The following E2F2 variants were observed in gnomAD, a reference collection of about 807,000 sequenced individuals.
E2F2 encodes transcription factor E2F2.
A neutral mutation model predicts 42.2 loss-of-function variants in E2F2; 22 were observed. That is an observed-to-expected ratio of 0.52 (90% CI 0.37 to 0.74). The LOEUF is 0.74. E2F2 is among the 30% of genes least tolerant of loss of function. The pLI is 0.00. For synonymous variants in E2F2, 248 were observed against 251.6 expected, an observed-to-expected ratio of 0.99 and a Z score of 0.13; for missense variants, 481 against 557.8, an observed-to-expected ratio of 0.86 and a Z score of 1.39.
At chr1:23,511,799 T>G (rs1642914294) in intron 6 of E2F2, among the ~76,000 whole-genome samples, 1 of 152,258 alleles carries the variant, frequency 6.6e-6, no homozygotes, top group Admixed American at 6.5e-5. Flanking sequence ...AGTCTTGCTC[T>G]GGACTTCACG....
In E2F2 at chr1:23,524,481, CT is replaced by C. The variant is rs749646705; in HGVS notation, c.259del (p.Arg87GlyfsTer59). ...CLPAGRLPAK[R>X]KLDLEGIGRP... ...CCCAATCCCCTCCAGATCCAGCTTC[CT>C]TTTGGCCTTGGAGAAAAGGGGGAGA... On this transcript the variant is annotated frameshift_variant, in exon 2 of 7. Transcript: ENST00000361729. LOFTEE classifies it high-confidence loss of function. 2 of 1,613,500 alleles carry C rather than the reference CT, an allele frequency of 1.2e-6. No homozygotes were observed. The highest frequency in any genetic ancestry group is 2.2e-5 in the South Asian group (2 of 90,958).
At chr1:23,527,615 G>A (rs1421280827) in intron 1 of E2F2, among the ~76,000 whole-genome samples, 1 of 152,226 alleles carries the variant, frequency 6.6e-6, no homozygotes, top group African/African-American at 2.4e-5. Context: ...GCAGAGTGGA[G>A]CCTGGTCTCT....
rs765424043 is a variant in E2F2 at position 23,509,976 on chromosome 1, G to A, written c.1218C>T (p.Ser406=). 2 of 1,613,274 alleles carry A rather than the reference G, an allele frequency of 1.2e-6. No homozygotes were observed. Among genetic ancestry groups the A allele is most frequent in the Admixed American group, 3.3e-5 (2 of 59,932 alleles). ...CCCACAGGTAGTCGTCCTGGTCCAA[G>A]GATGGGGAGAAGCTGATCAGAGGGG... The part of the protein sequence containing the change: ...CSSPLISFSP[S]LDQDDYLWGL... The change falls in exon 7 of 7, where the codon TCC becomes TCT. Residue 406 remains serine, a synonymous_variant. Transcript: ENST00000361729.
Position 23,530,731 on chromosome 1 carries a change from C to T in E2F2, c.63G>A (p.Ala21=), listed in dbSNP as rs542929009. 4.4e-6 allele frequency: 7 copies of T among 1,600,640 alleles called. No homozygotes were observed. In the South Asian group the frequency reaches 7.8e-5, roughly 18 times the overall value. The part of the protein sequence containing the change: ...AAGQTPKVVP[A]MSPTELWPSG... ...ATGGCCACAGCTCTGTGGGGCTCAT[C>T]GCGGGCACCACCTTCGGGGTCTGCC... Residue 21 remains alanine, a synonymous_variant, in exon 1 of 7, where the codon GCG becomes GCA. Coordinates refer to ENST00000361729, the MANE Select transcript of E2F2 (RefSeq NM_004091.4). The surrounding 1 kb of genome is among the most constrained non-coding windows in gnomAD (Gnocchi z 4.4).
At position 23,521,071 on chromosome 1, in the gene E2F2, T is replaced by C. The variant is rs1558248894; in HGVS notation, c.579A>G (p.Val193=). The C allele has an allele frequency of 6.2e-7, 1 of 1,608,938 alleles. No homozygotes were observed. The highest frequency in any genetic ancestry group is 8.5e-7 in the Non-Finnish European group (1 of 1,177,764). Residue 193 remains valine, a splice_region_variant and synonymous_variant, in exon 4 of 7, where the codon GTA becomes GTG. Transcript: ENST00000361729. ...RKKAKNNIQW[V]GRGMFEDPTR... ...TGGGGTCTTCAAACATTCCCCTGCC[T>C]CTGGGAACAGAGCAGCCCCCCAGTG...
intron 6 of E2F2, among the ~76,000 whole-genome samples, chr1:23,515,100 C>T (rs1277161418): frequency 6.6e-6 from 1 of 152,222 alleles, no homozygotes; most frequent in Admixed American, 6.5e-5. Context: ...CTACCTCTAC[C>T]TTGGTCTAAA....
chr1:23,512,907 G>A (rs1402230889), intron 6 of E2F2, among the ~76,000 whole-genome samples: 1 of 151,458 alleles, frequency 6.6e-6, no homozygotes, highest in Admixed American at 6.6e-5. Context: ...CTGCTTTCCT[G>A]GTTCAAGTGA....
chr1:23,524,327 C>A, intron 2 of E2F2, 56 bp downstream of exon 2: 1 of 1,338,058 alleles, frequency 7.5e-7, no homozygotes, highest in South Asian at 1.3e-5. Flanking sequence ...TTGGGCAGGG[C>A]ACTGCCCTCT....
At chr1:23,505,338 T>C (rs1642777194), downstream of E2F2, among the ~76,000 whole-genome samples, 1 of 152,198 alleles carries the variant, frequency 6.6e-6, no homozygotes, top group South Asian at 2.1e-4. Flanking sequence ...GAAAGATCTT[T>C]CTGGGGATCG....
Position 23,524,388 on chromosome 1 carries a change from G to C in E2F2, c.353C>G (p.Pro118Arg), listed in dbSNP as rs749394365. 1.2e-6 allele frequency: 2 copies of C among 1,609,596 alleles called. No homozygotes were observed. Among genetic ancestry groups the C allele is most frequent in the African/African-American group, 2.7e-5 (2 of 74,740 alleles). The part of the protein sequence containing the change: ...KCIRVDGLPS[P>R]KTPKSPGEKT... ...GCCCCATCAGCACTGCTTACTTTTGGGGCTGGGGAGGCCATCCACTCTGAT... is the reference window on the plus strand; with the variant it reads ...GCCCCATCAGCACTGCTTACTTTTGCGGCTGGGGAGGCCATCCACTCTGAT... Residue 118 changes from proline to arginine, a missense_variant, in exon 2 of 7, where the codon CCC becomes CGC. Pro to Arg is a moderately radical substitution (Grantham distance 103, BLOSUM62 -2). Coordinates refer to ENST00000361729, the MANE Select transcript of E2F2 (RefSeq NM_004091.4).
intron 5 of E2F2, among the ~76,000 whole-genome samples, chr1:23,517,818 A>G (rs1251327576): frequency 6.6e-6 from 1 of 152,222 alleles, no homozygotes; most frequent in Non-Finnish European, 1.5e-5. Context: ...TAGGATGAAT[A>G]GCGGTAAATC....
At chr1:23,529,486 G>C (rs956529981) in intron 1 of E2F2, among the ~76,000 whole-genome samples, 5 of 152,126 alleles carry the variant, frequency 3.3e-5, no homozygotes, top group Non-Finnish European at 7.4e-5. Context: ...GGCAGTGGGG[G>C]GTGGTCTTAT....
chr1:23,519,568 A>G (rs1643095237), intron 4 of E2F2, among the ~76,000 whole-genome samples: 1 of 152,240 alleles, frequency 6.6e-6, no homozygotes, highest in Non-Finnish European at 1.5e-5. Flanking sequence ...ATGCTCTTTG[A>G]CCTCATCATT....
intron 6 of E2F2, among the ~76,000 whole-genome samples, chr1:23,512,724 T>C (rs1179262969): frequency 6.6e-6 from 1 of 152,160 alleles, no homozygotes; most frequent in Non-Finnish European, 1.5e-5. Flanking sequence ...TTTTGTAATA[T>C]GTGTCTCTCC....
chr1:23,522,328 C>G (rs61159116), intron 2 of E2F2, among the ~76,000 whole-genome samples: 1 of 152,216 alleles, frequency 6.6e-6, no homozygotes, highest in Non-Finnish European at 1.5e-5. Flanking sequence ...TCCACCACAG[C>G]TTAGGGCTGC....
rs558205885 is a variant in E2F2 at position 23,520,902 on chromosome 1, A to G, written c.737+11T>C. On this transcript the variant is annotated intron_variant, in intron 4 of 6. Coordinates refer to ENST00000361729, the MANE Select transcript of E2F2 (RefSeq NM_004091.4). ...TGCTCCCTGACACCTTCCCCCAACC[A>G]AGGAGGATATCTCTTGTTGGCCTTG... is the stretch of plus-strand genomic sequence containing the variant. 3.2e-6 allele frequency: 5 copies of G among 1,560,892 alleles called. No individual in the cohort carries two copies. In the East Asian group the frequency reaches 9.7e-5, roughly 30 times the overall value.
chr1:23,519,028 G>T lies in E2F2; in HGVS notation c.840C>A (p.Pro280=). ...TTTCCCCTCTCACCTCAGTCCTGTC[G>T]GGCACTTCCAGTCTCGTCTGCGGAG... ...KAPPQTRLEV[P]DRTEDNLQIY... is the part of the protein sequence containing the mutation. The change falls in exon 5 of 7, where the codon CCC becomes CCA. Residue 280 remains proline, a synonymous_variant. Transcript: ENST00000361729. 1 of 1,613,660 alleles carries T rather than the reference G, an allele frequency of 6.2e-7. No individual in the cohort carries two copies. Among genetic ancestry groups the T allele is most frequent in the Non-Finnish European group, 8.5e-7 (1 of 1,179,720 alleles).
At position 23,512,144 on chromosome 1, in the gene E2F2, G is replaced by A. The variant is rs189695623; in HGVS notation, c.1046-1996C>T. Among the ~76,000 whole-genome samples the A allele has an allele frequency of 3.9e-5, 6 of 152,276 alleles. No homozygotes were observed. In the East Asian group the frequency reaches 1.2e-3, roughly 29 times the overall value. Reference sequence around the variant, plus strand: ...ACCCAGGAGGTGGAGGTTGTAGTGAGGCAAGATCACGCCACTGCACTCCAG... The same window carrying A: ...ACCCAGGAGGTGGAGGTTGTAGTGAAGCAAGATCACGCCACTGCACTCCAG... On this transcript the variant is annotated intron_variant, in intron 6 of 6. Coordinates refer to ENST00000361729, the MANE Select transcript of E2F2 (RefSeq NM_004091.4).
At chr1:23,516,191 A>C (rs937465206) in intron 6 of E2F2, 144 bp downstream of exon 6, 6 of 1,122,970 alleles carry the variant, frequency 5.3e-6, no homozygotes, top group Non-Finnish European at 7.0e-6. Flanking sequence ...TAAAGCATTA[A>C]GTACAATGCA....
Sources: allele counts gnomAD v4.1 joint callset (sites outside exome capture counted in the v4.1 genomes callset), GRCh38; gene constraint gnomAD v4.1.1; non-coding constraint Gnocchi (gnomAD v3.1); transcripts MANE v1.5; gene names NCBI Gene and HGNC (gene_info 2026-07-23, HGNC 2026-07-21).